Variants in PLEKHA7 observed in about 807,000 individuals in gnomAD.
PLEKHA7 encodes pleckstrin homology domain-containing family A member 7.
A neutral mutation model predicts 170.0 loss-of-function variants in PLEKHA7; 104 were observed. The ratio of observed to expected loss-of-function variants is 0.61; its 90% CI spans 0.52 to 0.72. PLEKHA7 has a LOEUF of 0.72. PLEKHA7 is among the 30% of genes least tolerant of loss of function. The pLI, the probability that PLEKHA7 is intolerant of heterozygous loss-of-function variation, is 0.00. For missense variants in PLEKHA7, 1,615 were observed against 1,671.7 expected (o/e 0.97, Z 0.59); for synonymous variants, 648 against 660.8 (o/e 0.98, Z 0.30).
At chr11:16,934,543 A>G (rs924128148) in intron 3 of PLEKHA7, among the ~76,000 whole-genome samples, 24 of 152,328 alleles carry the variant, frequency 1.6e-4, no homozygotes, top group African/African-American at 5.1e-4. Flanking sequence ...AACTTGTCCA[A>G]TGAACTGGCT....
intron 3 of PLEKHA7, among the ~76,000 whole-genome samples, chr11:16,993,010 C>T (rs149612026): frequency 3.8e-4 from 58 of 152,242 alleles, no homozygotes; most frequent in African/African-American, 1.3e-3. Flanking sequence ...CTCTTCCATA[C>T]CAGCACCTCA....
rs201380081 is a variant in PLEKHA7 at position 16,817,361 on chromosome 11, G to A, written c.1344-39C>T. 1.8e-4 allele frequency: 283 copies of A among 1,556,584 alleles called. 1 individual carries two copies. The African/African-American group carries it at 3.4e-3, about 19-fold the overall frequency. ...GTAAGAACGGGTCAGGCAACCAAGC[G>A]AGGGTTCTGCAGGCTTTGGGGAACA... is the stretch of plus-strand genomic sequence containing the variant. On this transcript the variant is annotated intron_variant, in intron 10 of 26. Transcript: ENST00000531066. The surrounding 1 kb of genome is among the most constrained non-coding windows in gnomAD (Gnocchi z 4.4).
intron 4 of PLEKHA7, among the ~76,000 whole-genome samples, chr11:16,859,063 A>C (rs1360711786): frequency 6.6e-6 from 1 of 152,234 alleles, no homozygotes; most frequent in Non-Finnish European, 1.5e-5. Context: ...AAATGTGACT[A>C]AAGTTCAAAC....
chr11:16,838,332 C>A (rs1381054317), intron 9 of PLEKHA7, among the ~76,000 whole-genome samples: 6 of 151,906 alleles, frequency 3.9e-5, no homozygotes, highest in Non-Finnish European at 5.9e-5. Flanking sequence ...ACATAGTGAG[C>A]CTCTGTCTCT....
chr11:16,991,897 C>T (rs1864067661), intron 3 of PLEKHA7, among the ~76,000 whole-genome samples: 1 of 152,138 alleles, frequency 6.6e-6, no homozygotes, highest in Non-Finnish European at 1.5e-5. Context: ...GTGGCGTGGA[C>T]TAGGGTGGTA....
At chr11:16,782,944 C>T (rs1251325588) in intron 25 of PLEKHA7, 48 bp from the exon 26 acceptor site, 1 of 1,522,298 alleles carries the variant, frequency 6.6e-7, no homozygotes, top group Admixed American at 2.0e-5. Flanking sequence ...CCCTGGGTAG[C>T]AGCCTCAGGA....
At chr11:16,944,511 C>CAA (rs1425866287) in intron 3 of PLEKHA7, among the ~76,000 whole-genome samples, 1,962 of 62,056 alleles carry the variant, frequency 0.032, 65 homozygotes, top group African/African-American at 0.1. Flanking sequence ...AACCCTGTCT[C>CAA]AAAAAAAAAA....
intron 3 of PLEKHA7, among the ~76,000 whole-genome samples, chr11:16,970,599 C>T (rs1044793591): frequency 3.3e-5 from 5 of 151,810 alleles, no homozygotes; most frequent in Non-Finnish European, 7.4e-5. Context: ...CCCAGGAGGT[C>T]GAGGCTGCAG....
At chr11:16,824,288 A>C (rs404359) in intron 10 of PLEKHA7, among the ~76,000 whole-genome samples, 31,830 of 152,224 alleles carry the variant, frequency 0.21, 3,570 homozygotes, top group East Asian at 0.32. Context: ...TAATCTCGGC[A>C]CTTTGGGAGG....
At chr11:16,987,062 C>T (rs1863772627) in intron 3 of PLEKHA7, among the ~76,000 whole-genome samples, 1 of 152,182 alleles carries the variant, frequency 6.6e-6, no homozygotes, top group African/African-American at 2.4e-5. Flanking sequence ...AATTAATTGC[C>T]CCAAATGGGA....
At chr11:16,981,600 A>G (rs1863430085) in intron 3 of PLEKHA7, among the ~76,000 whole-genome samples, 1 of 151,600 alleles carries the variant, frequency 6.6e-6, no homozygotes, top group Admixed American at 6.6e-5. Context: ...TAGAAACACC[A>G]TTTTCCCCCA....
intron 4 of PLEKHA7, among the ~76,000 whole-genome samples, chr11:16,868,237 G>T (rs897858822): frequency 3.3e-5 from 5 of 152,158 alleles, no homozygotes; most frequent in African/African-American, 1.2e-4. Flanking sequence ...CTTATTACCA[G>T]AGCAGACCCT....
intron 3 of PLEKHA7, among the ~76,000 whole-genome samples, chr11:16,970,636 T>C (rs1203371040): frequency 1.3e-5 from 2 of 151,898 alleles, no homozygotes; most frequent in African/African-American, 4.8e-5. Flanking sequence ...CACTGCACTC[T>C]AGCCTGGGCA....
chr11:16,888,126 C>G (rs925144334), intron 3 of PLEKHA7, among the ~76,000 whole-genome samples: 7 of 151,948 alleles, frequency 4.6e-5, no homozygotes, highest in Non-Finnish European at 7.4e-5. Context: ...GGCAGCCGCC[C>G]CATCTGAGAA....
chr11:16,887,412 CCT>C (rs1158938977), intron 3 of PLEKHA7, among the ~76,000 whole-genome samples: 2 of 146,298 alleles, frequency 1.4e-5, no homozygotes, highest in Non-Finnish European at 3.1e-5. Flanking sequence ...TCTCCCTCTC[CCT>C]CTCTTTCCAC....
chr11:16,888,859 TAAAAATTAA>T (rs1856390527), intron 3 of PLEKHA7, among the ~76,000 whole-genome samples: 1 of 115,312 alleles, frequency 8.7e-6, no homozygotes, highest in African/African-American at 3.3e-5. Context: ...TAAAAAAAAA[TAAAAATTAA>T]AAAAATTAAA....
chr11:16,797,224 G>C (rs1848295474), intron 17 of PLEKHA7, among the ~76,000 whole-genome samples: 1 of 152,116 alleles, frequency 6.6e-6, no homozygotes, highest in Non-Finnish European at 1.5e-5. Flanking sequence ...TCTTGACGGG[G>C]CTGTTTAAAC....
chr11:16,866,496 G>A (rs1854405862), intron 4 of PLEKHA7, among the ~76,000 whole-genome samples: 1 of 152,082 alleles, frequency 6.6e-6, no homozygotes, highest in Non-Finnish European at 1.5e-5. Flanking sequence ...GGAGACTGAG[G>A]CAGAAGAATC....
At chr11:16,833,573 T>C (rs1025632457) in intron 9 of PLEKHA7, among the ~76,000 whole-genome samples, 1 of 152,140 alleles carries the variant, frequency 6.6e-6, no homozygotes, top group Non-Finnish European at 1.5e-5. Flanking sequence ...TTCTGGGAGA[T>C]ACATTTTTTT....
Sources: allele counts gnomAD v4.1 joint callset (sites outside exome capture counted in the v4.1 genomes callset), GRCh38; gene constraint gnomAD v4.1.1; non-coding constraint Gnocchi (gnomAD v3.1); transcripts MANE v1.5; gene names NCBI Gene and HGNC (gene_info 2026-07-23, HGNC 2026-07-21).